Variants in LATS1 observed in about 807,000 individuals in gnomAD.
LATS1 encodes serine/threonine-protein kinase LATS1.
LATS1 carries 25 observed loss-of-function variants against 106.6 expected under a neutral mutation model. That is an observed-to-expected ratio of 0.23 (90% CI 0.17 to 0.33). The LOEUF (loss-of-function observed/expected upper bound fraction) is 0.33. LATS1 is among the 10% of genes least tolerant of loss of function. The probability of loss-of-function intolerance (pLI) is 1.00; values close to 1 mark genes in which losing one functional copy is unlikely to be tolerated. For synonymous variants in LATS1, 465 were observed against 455.6 expected, an observed-to-expected ratio of 1.02 and a Z score of -0.26; for missense variants, 1,040 against 1,382.6, an observed-to-expected ratio of 0.75 and a Z score of 3.93.
intron 3 of LATS1, among the ~76,000 whole-genome samples, chr6:149,690,930 T>C (rs1782710252): frequency 6.6e-6 from 1 of 152,172 alleles, no homozygotes; most frequent in South Asian, 2.1e-4. Context: ...TCACCATAGA[T>C]GGTTTGAGAA....
chr6:149,708,694 G>A (rs1217598339), intron 1 of LATS1, among the ~76,000 whole-genome samples: 1 of 151,696 alleles, frequency 6.6e-6, no homozygotes, highest in African/African-American at 2.4e-5. Flanking sequence ...ATTCTGAGAT[G>A]GTGGCTTGAC....
In LATS1 at chr6:149,680,007, T is replaced by C; in HGVS notation, c.2461A>G (p.Lys821Glu). ...ATATCTCTATGAATAAAACCCATTT[T>C]ATGAACACTTTCAACTGCACAGGTA... ...ELTCAVESVH[K>E]MGFIHRDIKP... The change falls in exon 5 of 8, where the codon AAA becomes GAA. Residue 821 changes from lysine to glutamate, a missense_variant. Physicochemically the swap from Lys to Glu is moderately conservative, Grantham distance 56. This residue lies in a region of LATS1 where 167 missense variants were observed against 332.1 expected (regional missense o/e 0.50). Transcript: ENST00000543571. 1 of 1,614,164 alleles carries C rather than the reference T, an allele frequency of 6.2e-7. No individual in the cohort carries two copies. The highest frequency in any genetic ancestry group is 8.5e-7 in the Non-Finnish European group (1 of 1,180,006).
At position 149,718,091 on chromosome 6, in the gene LATS1, C is replaced by G. The variant is rs1352477438; in HGVS notation, c.-383G>C. 4 of 301,238 alleles carry G rather than the reference C, an allele frequency of 1.3e-5. No individual in the cohort carries two copies. Among genetic ancestry groups the G allele is most frequent in the African/African-American group, 9.5e-5 (4 of 42,316 alleles). The allele number at this position is 301,238 out of a possible 1,614,324, so 18.7% of individuals were successfully genotyped here. Reference sequence around the variant, plus strand: ...GCCTTCCACTCAGTGTCGCCGCCGCCGCACTCCGCTGCAGGTTTCCCGGAT... The same window carrying G: ...GCCTTCCACTCAGTGTCGCCGCCGCGGCACTCCGCTGCAGGTTTCCCGGAT... On this transcript the variant is annotated 5_prime_UTR_variant, in exon 1 of 8. Transcript: ENST00000543571.
intron 1 of LATS1, among the ~76,000 whole-genome samples, chr6:149,704,021 G>A (rs1193164500): frequency 6.6e-6 from 1 of 152,028 alleles, no homozygotes; most frequent in East Asian, 1.9e-4. Flanking sequence ...CTTTTTTTCT[G>A]AGATGGAGTT....
intron 7 of LATS1, among the ~76,000 whole-genome samples, chr6:149,665,644 C>T (rs954276039): frequency 1.3e-5 from 2 of 152,142 alleles, no homozygotes; most frequent in South Asian, 2.1e-4. Context: ...CAAACTGTAA[C>T]TATGTGGATC....
intron 7 of LATS1, 152 bp from the exon 8 acceptor site, chr6:149,662,390 A>G: frequency 1.4e-6 from 1 of 703,214 alleles, no homozygotes; most frequent in Non-Finnish European, 2.3e-6. Flanking sequence ...CTCCTATCCC[A>G]TCCTCTCCAA....
chr6:149,687,265 A>G (rs1197843755), intron 3 of LATS1, among the ~76,000 whole-genome samples: 1 of 151,338 alleles, frequency 6.6e-6, no homozygotes, highest in African/African-American at 2.4e-5. Context: ...TAATTTTTGT[A>G]TTTTCAGTAG....
At position 149,661,055 on chromosome 6, in the gene LATS1, A is replaced by T. The variant is rs1780863354; in HGVS notation, c.*674T>A. ...TGCTTTGGCTTCTTTTAAAGCCAGT[A>T]ATTCTTGAGAAATAAATGCAAGAAG... On this transcript the variant is annotated 3_prime_UTR_variant, in exon 8 of 8. Transcript: ENST00000543571. The T allele has an allele frequency of 5.6e-6, 1 of 178,432 alleles. No homozygotes were observed. The highest frequency in any genetic ancestry group is 1.1e-5 in the Non-Finnish European group (1 of 91,554). 11.1% of individuals were successfully genotyped at this position (178,432 alleles called of 1,614,324 possible). A position where few individuals can be genotyped will look rare whatever the true frequency, so the allele number is the denominator to read the frequency against.
At chr6:149,682,264 A>C (rs1026321534) in intron 4 of LATS1, among the ~76,000 whole-genome samples, 1 of 152,166 alleles carries the variant, frequency 6.6e-6, no homozygotes, top group Admixed American at 6.5e-5. Context: ...TATATTATAA[A>C]AATGAAATGA....
chr6:149,660,520 A>C lies in LATS1; in HGVS notation c.*1209T>G, dbSNP rs1780846789. The C allele has an allele frequency of 4.3e-6, 1 of 232,918 alleles. No homozygotes were observed. Among genetic ancestry groups the C allele is most frequent in the African/African-American group, 2.2e-5 (1 of 45,324 alleles). The allele number at this position is 232,918 out of a possible 1,614,324, so 14.4% of individuals were successfully genotyped here. A position where few individuals can be genotyped will look rare whatever the true frequency, so the allele number is the denominator to read the frequency against. On this transcript the variant is annotated 3_prime_UTR_variant, in exon 8 of 8. Coordinates refer to ENST00000543571, the MANE Select transcript of LATS1 (RefSeq NM_004690.4). Reference sequence around the variant, plus strand: ...GGAAATAAAACACAACACAAATTTTACTATGGTCAAAATGGAGCCTTTTTC... The same window carrying C: ...GGAAATAAAACACAACACAAATTTTCCTATGGTCAAAATGGAGCCTTTTTC...
In LATS1 at chr6:149,708,683, CATTCTGAGATGGTGGCTTGACA is replaced by C. The variant is rs895256030; in HGVS notation, c.-140-6439_-140-6418del. ...CCTGCTTTAATGACAATGTAGGTTA[CATTCTGAGATGGTGGCTTGACA>C]ATATGGAAGGAAGGTGGATCCCTAA... On this transcript the variant is annotated intron_variant, in intron 1 of 7. Transcript: ENST00000543571. Among the ~76,000 whole-genome samples, 199 of 152,204 alleles carry C rather than the reference CATTCTGAGATGGTGGCTTGACA, an allele frequency of 1.3e-3. 1 individual carries two copies. The highest frequency in any genetic ancestry group is 4.7e-3 in the African/African-American group (194 of 41,538).
At chr6:149,671,016 T>C (rs1485365452) in intron 7 of LATS1, among the ~76,000 whole-genome samples, 1 of 151,978 alleles carries the variant, frequency 6.6e-6, no homozygotes, top group African/African-American at 2.4e-5. Context: ...TTTTCTCCTA[T>C]GTTTTCTTCT....
At chr6:149,668,655 C>T (rs925054471) in intron 7 of LATS1, among the ~76,000 whole-genome samples, 6 of 150,762 alleles carry the variant, frequency 4.0e-5, no homozygotes, top group Non-Finnish European at 5.9e-5. Flanking sequence ...TTGTTACTCA[C>T]GCTGGTCTTG....
chr6:149,698,489 T>G (rs1365101864), intron 2 of LATS1, among the ~76,000 whole-genome samples: 1 of 151,392 alleles, frequency 6.6e-6, no homozygotes, highest in East Asian at 1.9e-4. Flanking sequence ...CAAGCAATCC[T>G]CCTGCTTTGG....
rs1781743662 is a variant in LATS1 at position 149,676,706 on chromosome 6, G to C, written c.2625C>G (p.Phe875Leu). 2 of 1,613,842 alleles carry C rather than the reference G, an allele frequency of 1.2e-6. No individual in the cohort carries two copies. Among genetic ancestry groups the C allele is most frequent in the Middle Eastern group, 1.7e-4 (1 of 6,058 alleles). ...TTGAGGGATCCCCCCATTCATTACT[G>C]AAATCCATGCTATCTTGCCGTGGAT... ...GDHPRQDSMD[F>L]SNEWGDPSSC... Residue 875 changes from phenylalanine (F) to leucine (L), a missense_variant, in exon 6 of 8, where the codon TTC (phenylalanine) becomes TTG (leucine). Phe to Leu is a conservative substitution (Grantham distance 22). This residue lies in a region of LATS1 where 63 missense variants were observed against 64.3 expected (regional missense o/e 0.98). Transcript: ENST00000543571.
At chr6:149,712,747 AC>A (rs1476851732) in intron 1 of LATS1, among the ~76,000 whole-genome samples, 1 of 152,132 alleles carries the variant, frequency 6.6e-6, no homozygotes, top group Non-Finnish European at 1.5e-5. Context: ...TAATTCCAAA[AC>A]TTTTGGAGGC....
At chr6:149,717,215 T>C (rs949592499) in intron 1 of LATS1, among the ~76,000 whole-genome samples, 13 of 152,240 alleles carry the variant, frequency 8.5e-5, no homozygotes, top group African/African-American at 2.9e-4. Context: ...AGAATGGGGA[T>C]AAATCAAGTC....
intron 5 of LATS1, among the ~76,000 whole-genome samples, chr6:149,678,200 C>CGGGCG (rs1469740995): frequency 2.9e-5 from 4 of 136,704 alleles, no homozygotes; most frequent in Non-Finnish European, 6.2e-5. Flanking sequence ...AAAAAATAGC[C>CGGGCG]GGGCGTGGTT....
At chr6:149,713,299 CTTTTTTTT>C (rs879912031) in intron 1 of LATS1, among the ~76,000 whole-genome samples, 3 of 145,140 alleles carry the variant, frequency 2.1e-5, no homozygotes, top group Non-Finnish European at 4.6e-5. Flanking sequence ...GTATTATTTT[CTTTTTTTT>C]TTTTTGAGAC....
Sources: allele counts gnomAD v4.1 joint callset (sites outside exome capture counted in the v4.1 genomes callset), GRCh38; gene constraint gnomAD v4.1.1; regional missense constraint gnomAD v4.1.1; transcripts MANE v1.5; gene names NCBI Gene and HGNC (gene_info 2026-07-23, HGNC 2026-07-21).